Variants in CBLB observed in about 807,000 individuals in gnomAD.
CBLB encodes the protein E3 ubiquitin-protein ligase CBL-B.
A neutral mutation model predicts 104.9 loss-of-function variants in CBLB; 31 were observed. That is an observed-to-expected ratio of 0.30 (90% CI 0.22 to 0.40). CBLB has a LOEUF of 0.40. CBLB is among the 10% of genes least tolerant of loss of function. The pLI, the probability that CBLB is intolerant of heterozygous loss-of-function variation, is 1.00. For synonymous variants in CBLB, 440 were observed against 422.6 expected, an observed-to-expected ratio of 1.04 and a Z score of -0.51; for missense variants, 1,062 against 1,214.6, an observed-to-expected ratio of 0.87 and a Z score of 1.87.
At chr3:105,726,226 C>T (rs2073611053) in intron 9 of CBLB, among the ~76,000 whole-genome samples, 1 of 152,174 alleles carries the variant, frequency 6.6e-6, no homozygotes, top group Non-Finnish European at 1.5e-5. Flanking sequence ...TATACATTTT[C>T]CCAACAACAC....
At chr3:105,682,176 C>A in intron 14 of CBLB, 1 of 222,678 alleles carries the variant, frequency 4.5e-6, no homozygotes, top group Non-Finnish European at 9.0e-6. Flanking sequence ...AAGGCAAAAA[C>A]ATATAGCAGT....
intron 18 of CBLB, among the ~76,000 whole-genome samples, chr3:105,666,268 C>A (rs932703460): frequency 6.6e-6 from 1 of 152,108 alleles, no homozygotes; most frequent in Non-Finnish European, 1.5e-5. Flanking sequence ...TATAAATACA[C>A]TTAATTGATC....
intron 3 of CBLB, among the ~76,000 whole-genome samples, chr3:105,816,976 C>A (rs2085150108): frequency 6.6e-6 from 1 of 151,940 alleles, no homozygotes. Context: ...GAGAAATCAG[C>A]AAGGTCTAAA....
intron 4 of CBLB, among the ~76,000 whole-genome samples, chr3:105,768,110 G>C (rs939562248): frequency 6.6e-6 from 1 of 152,158 alleles, no homozygotes; most frequent in South Asian, 2.1e-4. Context: ...GAATAAATAA[G>C]CTTGATTTCA....
intron 7 of CBLB, among the ~76,000 whole-genome samples, 183 bp from the exon 8 acceptor site, chr3:105,737,441 T>C (rs2152869696): frequency 6.6e-6 from 1 of 152,254 alleles, no homozygotes; most frequent in Non-Finnish European, 1.5e-5. Context: ...ACTTAAAATG[T>C]AGAATTTTCA....
intron 10 of CBLB, among the ~76,000 whole-genome samples, chr3:105,719,474 T>C (rs1208129663): frequency 2.0e-5 from 3 of 152,200 alleles, no homozygotes; most frequent in African/African-American, 4.8e-5. Flanking sequence ...ATGGTGATCC[T>C]ATAAGATTAT....
At position 105,812,308 on chromosome 3, in the gene CBLB, C is replaced by T. The variant is rs186772491; in HGVS notation, c.420-35766G>A. Among the ~76,000 whole-genome samples the T allele has an allele frequency of 4.8e-3, 738 of 152,302 alleles. 3 individuals carry two copies. Among genetic ancestry groups the T allele is most frequent in the Non-Finnish European group, 8.0e-3 (544 of 68,030 alleles). ...CACCTACTATGTCTCAATGGCTATG[C>T]TATTAGTCACCTAGGGCACAAGAAT... On this transcript the variant is annotated intron_variant, in intron 3 of 18. Transcript: ENST00000394030.
chr3:105,751,747 G>A (rs1434417898), intron 4 of CBLB, 129 bp from the exon 5 acceptor site: 1 of 755,624 alleles, frequency 1.3e-6, no homozygotes, highest in Non-Finnish European at 2.3e-6. Context: ...AAATATTTGA[G>A]AATATTGTTC....
chr3:105,813,333 G>A (rs1203014884), intron 3 of CBLB, among the ~76,000 whole-genome samples: 1 of 151,906 alleles, frequency 6.6e-6, no homozygotes, highest in African/African-American at 2.4e-5. Context: ...ACAGACATGG[G>A]GATAAAAGAA....
intron 3 of CBLB, among the ~76,000 whole-genome samples, chr3:105,806,479 C>CAAAAAAAA (rs367966052): frequency 1.6e-5 from 2 of 125,056 alleles, no homozygotes; most frequent in Non-Finnish European, 3.2e-5. Context: ...ACTAAAACCT[C>CAAAAAAAA]AAAAAAAAAA....
chr3:105,757,054 A>G (rs1460070371), intron 4 of CBLB, among the ~76,000 whole-genome samples: 1 of 152,052 alleles, frequency 6.6e-6, no homozygotes, highest in Admixed American at 6.6e-5. Flanking sequence ...TTCTGCCATG[A>G]GCAAAAGCTC....
intron 16 of CBLB, among the ~76,000 whole-genome samples, chr3:105,679,877 A>G (rs1568575): frequency 1 from 151,786 of 152,326 alleles, 75,627 homozygotes; most frequent in East Asian, 1. Flanking sequence ...GAAGATGCAC[A>G]AGACAGAGTT....
chr3:105,740,428 C>T (rs995343742), intron 7 of CBLB, 66 bp downstream of exon 7: 13 of 1,568,158 alleles, frequency 8.3e-6, no homozygotes, highest in Non-Finnish European at 1.1e-5. Context: ...TTCGCCATCA[C>T]AAAGCAATCT....
intron 3 of CBLB, among the ~76,000 whole-genome samples, chr3:105,821,915 T>C (rs1032843082): frequency 6.6e-6 from 1 of 152,138 alleles, no homozygotes; most frequent in African/African-American, 2.4e-5. Context: ...TCTGCATCTG[T>C]GTGTATCTCT....
intron 18 of CBLB, among the ~76,000 whole-genome samples, chr3:105,668,344 C>T (rs1173212711): frequency 6.6e-6 from 1 of 152,176 alleles, no homozygotes; most frequent in African/African-American, 2.4e-5. Flanking sequence ...GGCTCTACAA[C>T]ACCCACTTAT....
rs895823218 is a variant in CBLB, at chr3:105,656,295, T to A, written c.*2675A>T. ...TATGAAATGCTGACTTAAAAAAAAA[T>A]TGTTACCAAATCTTGAGAAATGGAA... is the stretch of plus-strand genomic sequence containing the variant. On this transcript the variant is annotated 3_prime_UTR_variant, in exon 19 of 19. Coordinates refer to ENST00000394030, the MANE Select transcript of CBLB (RefSeq NM_170662.5). 1.4e-5 allele frequency: 3 copies of A among 207,460 alleles called. No homozygotes were observed. Among genetic ancestry groups the A allele is most frequent in the Non-Finnish European group, 2.0e-5 (2 of 101,948 alleles). The allele number at this position is 207,460 out of a possible 1,614,324, so 12.9% of individuals were successfully genotyped here. A position where few individuals can be genotyped will look rare whatever the true frequency, so the allele number is the denominator to read the frequency against.
chr3:105,869,369 G>C (rs552303618), upstream of CBLB: 44 of 1,342,940 alleles, frequency 3.3e-5, no homozygotes, highest in East Asian at 1.7e-3. Context: ...GTGAGCGTCG[G>C]GACCGGGAGC....
At chr3:105,681,065 T>C (rs2066262638) in intron 16 of CBLB, 1 of 210,542 alleles carries the variant, frequency 4.7e-6, no homozygotes, top group Non-Finnish European at 9.6e-6. Flanking sequence ...CATACAACTA[T>C]TTAATTTTGC....
intron 3 of CBLB, among the ~76,000 whole-genome samples, chr3:105,789,269 T>C (rs2081373369): frequency 6.6e-6 from 1 of 152,176 alleles, no homozygotes; most frequent in Admixed American, 6.5e-5. Flanking sequence ...AGGGCTCTTT[T>C]CTCTCTGAGA....
Sources: gnomAD v4.1 joint callset for allele counts (sites outside exome capture counted in the v4.1 genomes callset) on GRCh38, gnomAD v4.1.1 for gene constraint, MANE v1.5 for transcripts, NCBI Gene and HGNC (gene_info 2026-07-23, HGNC 2026-07-21) for gene names.